The following LIN28B variants were observed in gnomAD, a reference collection of about 807,000 sequenced individuals.
The protein encoded by LIN28B is protein lin-28 homolog B.
A neutral mutation model predicts 21.9 loss-of-function variants in LIN28B; 5 were observed. The ratio of observed to expected loss-of-function variants is 0.23; its 90% CI spans 0.12 to 0.48. The LOEUF is 0.48. Ranked by LOEUF, LIN28B falls within the 20% of genes least tolerant of loss-of-function variation. The pLI, the probability that LIN28B is intolerant of heterozygous loss-of-function variation, is 0.98. For missense variants in LIN28B, 245 were observed against 310.5 expected (o/e 0.79, Z 1.58); for synonymous variants, 109 against 111.3 (o/e 0.98, Z 0.13).
At chr6:104,961,294 G>T (rs1234526745) in intron 2 of LIN28B, among the ~76,000 whole-genome samples, 1 of 152,084 alleles carries the variant, frequency 6.6e-6, no homozygotes, top group Non-Finnish European at 1.5e-5. Context: ...CAATTTTGAT[G>T]ATTTTATTTT....
rs192128475 is a variant in LIN28B, at chr6:105,056,709, T to A, written c.384-21705T>A. On this transcript the variant is annotated intron_variant, in intron 3 of 3. Transcript: ENST00000345080. ...TTAATTACGAATAAGGAGGGAAAGG[T>A]ACAGGATTTGCACAGATCTCTTCTC... is the stretch of plus-strand genomic sequence containing the variant. Among the ~76,000 whole-genome samples, 301 of 152,282 alleles carry A rather than the reference T, an allele frequency of 2.0e-3. 1 individual carries two copies. In the Middle Eastern group the frequency reaches 0.037, roughly 19 times the overall value.
intron 2 of LIN28B, among the ~76,000 whole-genome samples, chr6:105,014,396 T>C (rs949130392): frequency 1.3e-5 from 2 of 152,266 alleles, no homozygotes; most frequent in Non-Finnish European, 2.9e-5. Context: ...CTTGGCTCAC[T>C]GTAACCTCCG....
chr6:104,942,793 A>G (rs1202407006), intron 2 of LIN28B, among the ~76,000 whole-genome samples: 1 of 152,164 alleles, frequency 6.6e-6, no homozygotes, highest in Admixed American at 6.5e-5. Context: ...TGACTTTTCC[A>G]TTTTACAAGT....
chr6:105,069,230 A>G (rs1030846146), intron 3 of LIN28B, among the ~76,000 whole-genome samples: 4 of 152,196 alleles, frequency 2.6e-5, no homozygotes, highest in Admixed American at 6.5e-5. Flanking sequence ...AAAGCAAAAC[A>G]AAACAAACAA....
At chr6:105,064,812 G>T (rs923209518) in intron 3 of LIN28B, among the ~76,000 whole-genome samples, 2 of 152,106 alleles carry the variant, frequency 1.3e-5, no homozygotes, top group Non-Finnish European at 2.9e-5. Context: ...TCCACTAAGA[G>T]AATAAGCCAA....
At chr6:104,984,744 A>G (rs978148082) in intron 2 of LIN28B, among the ~76,000 whole-genome samples, 2 of 152,176 alleles carry the variant, frequency 1.3e-5, no homozygotes, top group Non-Finnish European at 2.9e-5. Flanking sequence ...TTTTGATACT[A>G]GTTAGTAACA....
chr6:104,944,634 T>TA (rs1330686270), intron 2 of LIN28B, among the ~76,000 whole-genome samples: 1 of 152,144 alleles, frequency 6.6e-6, no homozygotes, highest in Non-Finnish European at 1.5e-5. Flanking sequence ...TTTTACTGCT[T>TA]ACAATATTAC....
rs1398191588 is a variant in LIN28B, at chr6:105,079,385, T to C, written c.*602T>C. On this transcript the variant is annotated 3_prime_UTR_variant, in exon 4 of 4. Transcript: ENST00000345080. ...GGGATTGCCTCTTTTTCTTGAAATCTCTGGAGTAGTAATTTTTTTCCCCCT... is the reference window on the plus strand; with the variant it reads ...GGGATTGCCTCTTTTTCTTGAAATCCCTGGAGTAGTAATTTTTTTCCCCCT... The C allele has an allele frequency of 2.0e-5, 3 of 152,650 alleles. No homozygotes were observed. The highest frequency in any genetic ancestry group is 2.9e-5 in the Non-Finnish European group (2 of 68,046). The allele number at this position is 152,650 out of a possible 1,614,324, so 9.5% of individuals were successfully genotyped here. A position where few individuals can be genotyped will look rare whatever the true frequency, so the allele number is the denominator to read the frequency against.
At chr6:104,976,606 C>A (rs1770100117) in intron 2 of LIN28B, among the ~76,000 whole-genome samples, 1 of 152,168 alleles carries the variant, frequency 6.6e-6, no homozygotes, top group East Asian at 1.9e-4. Context: ...ATTGTGGTAG[C>A]AATTGCCAAT....
intron 2 of LIN28B, among the ~76,000 whole-genome samples, chr6:105,019,240 G>A (rs1047003689): frequency 1.3e-5 from 2 of 152,098 alleles, no homozygotes; most frequent in Admixed American, 1.3e-4. Context: ...GAGCCACCGC[G>A]CCCATCTGGT....
At chr6:104,977,074 A>G (rs989168463) in intron 2 of LIN28B, among the ~76,000 whole-genome samples, 3 of 151,762 alleles carry the variant, frequency 2.0e-5, no homozygotes, top group Non-Finnish European at 4.4e-5. Context: ...TTTCAGGTTG[A>G]AGTACAGTGA....
At chr6:104,975,475 T>G (rs749475659) in intron 2 of LIN28B, among the ~76,000 whole-genome samples, 9 of 152,156 alleles carry the variant, frequency 5.9e-5, no homozygotes, top group Non-Finnish European at 1.0e-4. Context: ...TCTTAACTGA[T>G]TATCCAAAGC....
intron 2 of LIN28B, among the ~76,000 whole-genome samples, chr6:105,018,366 A>G (rs769396027): frequency 1.2e-4 from 18 of 152,172 alleles, no homozygotes; most frequent in African/African-American, 1.7e-4. Flanking sequence ...TCACTTCACA[A>G]TGATACACTT....
At chr6:105,006,693 T>C (rs1196192918) in intron 2 of LIN28B, among the ~76,000 whole-genome samples, 1 of 152,164 alleles carries the variant, frequency 6.6e-6, no homozygotes, top group Non-Finnish European at 1.5e-5. Context: ...GCACTACATG[T>C]TCAGTGTGGT....
intron 2 of LIN28B, among the ~76,000 whole-genome samples, chr6:105,003,404 G>A (rs924274965): frequency 1.3e-5 from 2 of 152,170 alleles, no homozygotes; most frequent in Admixed American, 1.3e-4. Context: ...AAAGTTTGGG[G>A]CAGAGGTCAC....
Position 105,079,397 on chromosome 6 carries a change from A to C in LIN28B, c.*614A>C, listed in dbSNP as rs905775655. On this transcript the variant is annotated 3_prime_UTR_variant, in exon 4 of 4. Coordinates refer to ENST00000345080, the MANE Select transcript of LIN28B (RefSeq NM_001004317.4). ...TTTTCTTGAAATCTCTGGAGTAGTA[A>C]TTTTTTTCCCCCTTTTTTGAAGGCA... 6.6e-6 allele frequency: 1 copy of C among 152,320 alleles called. No homozygotes were observed. Among genetic ancestry groups the C allele is most frequent in the African/African-American group, 2.4e-5 (1 of 41,338 alleles). The allele number at this position is 152,320 out of a possible 1,614,324, so 9.4% of individuals were successfully genotyped here.
intron 3 of LIN28B, among the ~76,000 whole-genome samples, chr6:105,039,612 G>A (rs1435146280): frequency 2.6e-5 from 4 of 152,128 alleles, no homozygotes; most frequent in Admixed American, 6.5e-5. Flanking sequence ...ATTCATGAGA[G>A]TACTTACTCT....
intron 3 of LIN28B, among the ~76,000 whole-genome samples, chr6:105,026,764 G>C (rs573648358): frequency 4.6e-5 from 7 of 152,148 alleles, no homozygotes; most frequent in South Asian, 2.1e-4. Context: ...AATAGATAGA[G>C]GTGCCCCTTT....
intron 2 of LIN28B, among the ~76,000 whole-genome samples, chr6:104,943,853 C>T (rs1019601454): frequency 2.0e-5 from 3 of 152,096 alleles, no homozygotes; most frequent in Non-Finnish European, 4.4e-5. Context: ...TCAAATACTT[C>T]AGGTTGATTT....
Sources: gnomAD v4.1 joint callset for allele counts (sites outside exome capture counted in the v4.1 genomes callset) on GRCh38, gnomAD v4.1.1 for gene constraint, MANE v1.5 for transcripts, NCBI Gene and HGNC (gene_info 2026-07-23, HGNC 2026-07-21) for gene names.